RUFY4: variants seen among roughly 807,000 people sequenced by gnomAD.
RUFY4 encodes RUN and FYVE domain-containing protein 4.
A neutral mutation model predicts 69.0 loss-of-function variants in RUFY4; 73 were observed. That is an observed-to-expected ratio of 1.06 (90% CI 0.88 to 1.29). The LOEUF is 1.29. Among genes scored for constraint, RUFY4 ranks in the 50% most tolerant of loss-of-function variants. The pLI is 0.00. For missense variants in RUFY4, 770 were observed against 705.6 expected, an observed-to-expected ratio of 1.09 and a Z score of -1.03; for synonymous variants, 287 against 271.8, an observed-to-expected ratio of 1.06 and a Z score of -0.55.
At chr2:218,074,114 C>T (rs776736388) in intron 6 of RUFY4, among the ~76,000 whole-genome samples, 22 of 152,056 alleles carry the variant, frequency 1.4e-4, no homozygotes, top group Non-Finnish European at 1.0e-4. Context: ...GGAACTCTAG[C>T]ACCCTCTGCC....
At position 218,089,357 on chromosome 2, in the gene RUFY4, A is replaced by T. The variant is rs767956716; in HGVS notation, c.1608A>T (p.Pro536=). Reference sequence around the variant, plus strand: ...TTGGCCGATTTTCTCGGCGGTATCCATGCAGGTAAAGGGAAGGGCACAGAA... The same window carrying T: ...TTGGCCGATTTTCTCGGCGGTATCCTTGCAGGTAAAGGGAAGGGCACAGAA... The change falls in exon 10 of 11, where the codon CCA becomes CCT. Residue 536 remains proline (P), a synonymous_variant. Coordinates refer to ENST00000344321, the Ensembl canonical transcript of RUFY4. The T allele has an allele frequency of 7.4e-6, 12 of 1,613,568 alleles. No homozygotes were observed. The South Asian group carries it at 1.3e-4, about 18-fold the overall frequency.
At chr2:218,060,354 A>T (rs1331021964) in intron 3 of RUFY4, 1 of 1,540,960 alleles carries the variant, frequency 6.5e-7, no homozygotes, top group East Asian at 2.2e-5. Context: ...GAGTAGTGGA[A>T]GTGTGCCCTG....
chr2:218,072,415 G>A, exon 3 of RUFY4: 2 of 1,537,430 alleles, frequency 1.3e-6, no homozygotes, highest in Non-Finnish European at 1.7e-6. Context: ...GGCCTCGGAA[G>A]GATTACTGGG....
intron 8 of RUFY4, among the ~76,000 whole-genome samples, chr2:218,077,972 G>T (rs1206583205): frequency 6.6e-6 from 1 of 152,168 alleles, no homozygotes; most frequent in Non-Finnish European, 1.5e-5. Context: ...TCCTTTTACT[G>T]GGGACCCTGT....
chr2:218,085,385 C>G (rs2106073439), intron 9 of RUFY4, among the ~76,000 whole-genome samples: 1 of 152,236 alleles, frequency 6.6e-6, no homozygotes, highest in South Asian at 2.1e-4. Context: ...AAATAGCCAC[C>G]AAGGTTGACT....
At chr2:218,072,636 C>T (rs975424641) in intron 3 of RUFY4, 137 bp downstream of exon 5, 2 of 1,356,448 alleles carry the variant, frequency 1.5e-6, no homozygotes, top group African/African-American at 2.9e-5. Flanking sequence ...CACAGCACCC[C>T]TCCAGACACC....
intron 2 of RUFY4, among the ~76,000 whole-genome samples, chr2:218,041,718 T>C (rs1458163083): frequency 6.6e-6 from 1 of 152,252 alleles, no homozygotes; most frequent in African/African-American, 2.4e-5. Context: ...TTTTCTTTAA[T>C]ATAGGCATTT....
intron 2 of RUFY4, among the ~76,000 whole-genome samples, chr2:218,054,992 C>T (rs1285151133): frequency 1.3e-5 from 2 of 152,142 alleles, no homozygotes; most frequent in Non-Finnish European, 2.9e-5. Context: ...ATTATATTAT[C>T]AGGGTTAGAT....
chr2:218,073,326 T>C, exon 5 of RUFY4: 1 of 1,576,068 alleles, frequency 6.3e-7, no homozygotes, highest in Non-Finnish European at 8.6e-7. Flanking sequence ...CTCAATGGGG[T>C]GGCCTTCGAG....
At chr2:218,075,097 C>T (rs1333640198) in exon 7 of RUFY4, 1 of 1,523,534 alleles carries the variant, frequency 6.6e-7, no homozygotes, top group Admixed American at 2.1e-5. Flanking sequence ...CCACAGATCC[C>T]AGCCGCATAT....
intron 2 of RUFY4, among the ~76,000 whole-genome samples, chr2:218,057,872 G>A (rs1438598524): frequency 2.6e-5 from 4 of 152,230 alleles, no homozygotes; most frequent in African/African-American, 9.6e-5. Context: ...ATTCCATGGT[G>A]TGGCTGCAAC....
chr2:218,035,283 G>A (rs1466364888), intron 1 of RUFY4: 2 of 152,146 alleles, frequency 1.3e-5, no homozygotes, highest in Non-Finnish European at 2.9e-5. Flanking sequence ...GGGAGAGGAG[G>A]AGACACATGG....
rs189478501 is a variant in RUFY4, at chr2:218,046,243, A to G, written c.-1158+10849A>G. The stretch of plus-strand genomic sequence containing the variant: ...TTCTAGCTATTTGTAAATATATACT[A>G]TTGTTAACTATAGTCATTGGACAGT... On this transcript the variant is annotated intron_variant and NMD_transcript_variant, in intron 2 of 13. Coordinates refer to the RUFY4 transcript ENST00000457754. Among the ~76,000 whole-genome samples, 112 of 152,118 alleles carry G rather than the reference A, an allele frequency of 7.4e-4. 1 individual carries two copies. Among genetic ancestry groups the G allele is most frequent in the African/African-American group, 2.6e-3 (107 of 41,492 alleles).
At chr2:218,042,817 A>G (rs1048815724) in intron 2 of RUFY4, among the ~76,000 whole-genome samples, 7 of 152,356 alleles carry the variant, frequency 4.6e-5, no homozygotes, top group Admixed American at 2.0e-4. Context: ...CTTCAAAAAA[A>G]AATGAACAGG....
rs1688818010 is a variant in RUFY4 at position 218,045,982 on chromosome 2, A to G, written c.-1158+10588A>G. Among the ~76,000 whole-genome samples the G allele has an allele frequency of 2.6e-5, 4 of 151,658 alleles. No homozygotes were observed. The South Asian group carries it at 8.3e-4, about 32-fold the overall frequency. ...ATGGCGCCCGGCTAATTTTTTTTGT[A>G]TTTTTAGTAGAGACAGGGTTTCATC... On this transcript the variant is annotated intron_variant and NMD_transcript_variant, in intron 2 of 13. Coordinates refer to the RUFY4 transcript ENST00000457754.
intron 2 of RUFY4, among the ~76,000 whole-genome samples, chr2:218,039,311 A>G (rs1453133849): frequency 6.6e-6 from 1 of 152,228 alleles, no homozygotes; most frequent in East Asian, 1.9e-4. Context: ...CAGGCAGACC[A>G]GGTGGGCTGT....
At position 218,045,485 on chromosome 2, in the gene RUFY4, C is replaced by G. The variant is rs115871831; in HGVS notation, c.-1158+10091C>G. Among the ~76,000 whole-genome samples, 1,049 of 151,594 alleles carry G rather than the reference C, an allele frequency of 6.9e-3. 10 individuals are homozygous for G. The highest frequency in any genetic ancestry group is 0.024 in the African/African-American group (993 of 41,294). ...AAATTAATGTAAGTTATTGACAGCT[C>G]ATAAAAAAGAAAAAAAATTTCCCTA... On this transcript the variant is annotated intron_variant and NMD_transcript_variant, in intron 2 of 13. Transcript: ENST00000457754.
upstream of RUFY4, among the ~76,000 whole-genome samples, chr2:218,066,466 C>T (rs1427747801): frequency 6.6e-6 from 1 of 152,218 alleles, no homozygotes; most frequent in Non-Finnish European, 1.5e-5. Context: ...TGAGCCACCA[C>T]GCCCAGCCAA....
chr2:218,079,236 C>T lies in RUFY4; in HGVS notation c.1355+2703C>T, dbSNP rs139276642. ...GGCAAGCTGAACACAGGGAGTCCAG[C>T]GAGGACCCTGCCATGCAGGGGAGAG... is the stretch of plus-strand genomic sequence containing the variant. On this transcript the variant is annotated intron_variant, in intron 8 of 10. Coordinates refer to ENST00000344321, the Ensembl canonical transcript of RUFY4. Among the ~76,000 whole-genome samples the T allele has an allele frequency of 6.1e-3, 932 of 152,268 alleles. 3 individuals carry two copies. The highest frequency in any genetic ancestry group is 8.7e-3 in the Non-Finnish European group (590 of 68,016).
Sources: gnomAD v4.1 joint callset for allele counts (sites outside exome capture counted in the v4.1 genomes callset) on GRCh38, gnomAD v4.1.1 for gene constraint, MANE v1.5 for transcripts, NCBI Gene and HGNC (gene_info 2026-07-23, HGNC 2026-07-21) for gene names.